TCEA1: variants seen among roughly 807,000 people sequenced by gnomAD.
TCEA1 encodes transcription elongation factor A1.
In TCEA1, 21 loss-of-function variants were observed where a neutral mutation model predicts 43.8. The ratio of observed to expected loss-of-function variants is 0.48; its 90% confidence interval spans 0.34 to 0.69. TCEA1 has a LOEUF of 0.69. TCEA1 is among the 30% of genes least tolerant of loss of function. The pLI is 0.01. For synonymous variants in TCEA1, 104 were observed against 117.5 expected (o/e 0.88, Z 0.75); for missense variants, 250 against 365.1 (o/e 0.68, Z 2.57).
intron 9 of TCEA1, among the ~76,000 whole-genome samples, chr8:53,969,195 C>G (rs1803079135): frequency 6.6e-6 from 1 of 152,126 alleles, no homozygotes; most frequent in Admixed American, 6.5e-5. Context: ...GAGGCTGAGG[C>G]AGGAGAATCG....
At chr8:54,016,150 A>G (rs1186301587) in intron 1 of TCEA1, among the ~76,000 whole-genome samples, 1 of 152,222 alleles carries the variant, frequency 6.6e-6, no homozygotes, top group Non-Finnish European at 1.5e-5. Context: ...ATGACCCAGT[A>G]ATTATTCTCC....
At chr8:54,006,710 G>A (rs954057861) in intron 2 of TCEA1, among the ~76,000 whole-genome samples, 2 of 152,208 alleles carry the variant, frequency 1.3e-5, no homozygotes, top group Non-Finnish European at 2.9e-5. Flanking sequence ...TCAAAGGAAA[G>A]TTTATTCTTA....
chr8:53,970,501 C>T lies in TCEA1; in HGVS notation c.826-38G>A, dbSNP rs772328458. ...TAAATTAAATGTACTTTTTGCAGTA[C>T]TATTAAAAAACCCAACCCAAATAAT... On this transcript the variant is annotated intron_variant, in intron 8 of 9. Coordinates refer to ENST00000521604, the MANE Select transcript of TCEA1 (RefSeq NM_006756.4). The T allele has an allele frequency of 2.3e-6, 3 of 1,329,178 alleles. No homozygotes were observed. The East Asian group carries it at 7.1e-5, about 31-fold the overall frequency. The allele number at this position is 1,329,178 out of a possible 1,614,324, so 82.3% of individuals were successfully genotyped here.
At chr8:53,993,647 T>C (rs1488439870) in intron 4 of TCEA1, 21 bp downstream of exon 4, 2 of 1,573,232 alleles carry the variant, frequency 1.3e-6, no homozygotes, top group Non-Finnish European at 1.7e-6. Flanking sequence ...AATATAAATA[T>C]ATGTCTATAC....
intron 4 of TCEA1, among the ~76,000 whole-genome samples, chr8:53,991,664 A>G (rs1379794276): frequency 1.3e-5 from 2 of 151,938 alleles, no homozygotes; most frequent in East Asian, 3.9e-4. Flanking sequence ...ATTGGACTCC[A>G]GCCTGGGCAA....
intron 2 of TCEA1, among the ~76,000 whole-genome samples, chr8:54,006,056 T>C (rs546516990): frequency 6.6e-6 from 1 of 152,218 alleles, no homozygotes; most frequent in South Asian, 2.1e-4. Flanking sequence ...AACCTAGTCA[T>C]CTTCTGAGAT....
chr8:54,000,283 T>C (rs1287650034), intron 2 of TCEA1, among the ~76,000 whole-genome samples: 1 of 152,200 alleles, frequency 6.6e-6, no homozygotes, highest in Non-Finnish European at 1.5e-5. Context: ...TTCACTACTG[T>C]AATAAGTCTG....
At chr8:53,978,146 C>T (rs2129300210) in intron 8 of TCEA1, among the ~76,000 whole-genome samples, 1 of 152,180 alleles carries the variant, frequency 6.6e-6, no homozygotes, top group East Asian at 1.9e-4. Context: ...TGCCTGTATT[C>T]CCAGTACTTC....
At chr8:53,999,634 G>A (rs1804189301) in intron 3 of TCEA1, 1 of 290,130 alleles carries the variant, frequency 3.4e-6, no homozygotes, top group Non-Finnish European at 6.3e-6. Flanking sequence ...CAAGTTTTCT[G>A]TAAGTCAAAA....
At chr8:53,980,693 C>G (rs1803475425) in intron 7 of TCEA1, among the ~76,000 whole-genome samples, 1 of 152,132 alleles carries the variant, frequency 6.6e-6, no homozygotes, top group African/African-American at 2.4e-5. Context: ...CTCCCTACTC[C>G]CTGAGACACA....
intron 3 of TCEA1, among the ~76,000 whole-genome samples, chr8:53,997,098 T>A (rs573370802): frequency 6.6e-6 from 1 of 151,860 alleles, no homozygotes; most frequent in African/African-American, 2.4e-5. Context: ...TTAGTAGAGA[T>A]GGGGTTTCAC....
At chr8:53,974,402 ATAGAT>A (rs1335168620) in intron 8 of TCEA1, among the ~76,000 whole-genome samples, 1 of 152,034 alleles carries the variant, frequency 6.6e-6, no homozygotes, top group African/African-American at 2.4e-5. Context: ...GTATATTCCT[ATAGAT>A]TAGTCATAAT....
chr8:53,972,071 C>T, intron 8 of TCEA1: 1 of 243,994 alleles, frequency 4.1e-6, no homozygotes. Flanking sequence ...TGAAATCTCC[C>T]AAGATCAAGT....
chr8:53,988,329 T>C, intron 4 of TCEA1, 70 bp from the exon 5 acceptor site: 2 of 1,527,386 alleles, frequency 1.3e-6, no homozygotes, highest in Non-Finnish European at 1.8e-6. Context: ...ACTACTATCA[T>C]GCTGTAAAAA....
At chr8:54,018,955 T>A (rs1382630972) in intron 1 of TCEA1, among the ~76,000 whole-genome samples, 1 of 152,232 alleles carries the variant, frequency 6.6e-6, no homozygotes, top group Non-Finnish European at 1.5e-5. Context: ...ATTCACATCT[T>A]CACTTGGCCA....
At chr8:53,969,269 A>G (rs1032141442) in intron 9 of TCEA1, among the ~76,000 whole-genome samples, 2 of 152,184 alleles carry the variant, frequency 1.3e-5, no homozygotes, top group Admixed American at 6.5e-5. Flanking sequence ...CAGCCTGGGC[A>G]ACACAGTGAG....
chr8:54,021,344 G>A (rs566960852), intron 1 of TCEA1, among the ~76,000 whole-genome samples: 2 of 152,226 alleles, frequency 1.3e-5, no homozygotes, highest in Non-Finnish European at 1.5e-5. Flanking sequence ...CAAAAAAAAT[G>A]CCACCAGTAT....
chr8:53,999,667 G>C (rs1443729926), intron 3 of TCEA1: 1 of 344,988 alleles, frequency 2.9e-6, no homozygotes, highest in Non-Finnish European at 5.2e-6. Flanking sequence ...CATTTCAAAA[G>C]GTATCCACAA....
At chr8:53,968,386 AT>A (rs981228540) in intron 9 of TCEA1, among the ~76,000 whole-genome samples, 2 of 149,848 alleles carry the variant, frequency 1.3e-5, no homozygotes, top group Admixed American at 1.3e-4. Flanking sequence ...AAAAAAAAAA[AT>A]AACAATTCCA....
Sources: allele counts gnomAD v4.1 joint callset (sites outside exome capture counted in the v4.1 genomes callset), GRCh38; gene constraint gnomAD v4.1.1; transcripts MANE v1.5; gene names NCBI Gene and HGNC (gene_info 2026-07-23, HGNC 2026-07-21).